Variants in LUZP2 observed in about 807,000 individuals in gnomAD.
The protein encoded by LUZP2 is leucine zipper protein 2.
Under a neutral mutation model 51.6 loss-of-function variants are expected in LUZP2, and 52 were observed. The observed-to-expected ratio is 1.01, with a 90% CI of 0.81 to 1.27. The LOEUF (loss-of-function observed/expected upper bound fraction) is 1.27, where lower values mean the gene tolerates loss of function less well. Ranked by LOEUF, LUZP2 falls within the 50% of genes most tolerant of loss-of-function variation. The pLI, the probability that LUZP2 is intolerant of heterozygous loss-of-function variation, is 0.00. For missense variants in LUZP2, 436 were observed against 395.4 expected (o/e 1.10, Z -0.87); for synonymous variants, 154 against 137.3 (o/e 1.12, Z -0.85).
chr11:24,503,494 C>T lies in LUZP2; in HGVS notation c.62+6189C>T, dbSNP rs141951890. The stretch of plus-strand genomic sequence containing the variant: ...GTTCTCTGAGGATTCTTTCGTAAAC[C>T]CTAGGAGACATAATTATACCATAGG... On this transcript the variant is annotated intron_variant, in intron 1 of 11. Transcript: ENST00000336930. Among the ~76,000 whole-genome samples, 282 of 152,212 alleles carry T rather than the reference C, an allele frequency of 1.9e-3. 1 individual carries two copies. Among genetic ancestry groups the T allele is most frequent in the African/African-American group, 6.2e-3 (259 of 41,536 alleles).
chr11:25,024,375 C>T (rs1053176874), intron 9 of LUZP2, among the ~76,000 whole-genome samples: 1 of 152,118 alleles, frequency 6.6e-6, no homozygotes, highest in Non-Finnish European at 1.5e-5. Flanking sequence ...TTGCAGATGA[C>T]ATGATTGTAT....
intron 1 of LUZP2, among the ~76,000 whole-genome samples, chr11:24,716,135 G>T (rs1027779289): frequency 6.6e-6 from 1 of 152,124 alleles, no homozygotes; most frequent in East Asian, 1.9e-4. Context: ...TGAAGCTATA[G>T]TTATGCTTGC....
Position 24,991,392 on chromosome 11 carries a change from G to GTA in LUZP2, c.765+8100_765+8101insAT, listed in dbSNP as rs770909829. 1.9e-3 allele frequency among the ~76,000 whole-genome samples: 201 copies of GTA among 104,532 alleles called. 1 individual carries two copies. The highest frequency in any genetic ancestry group is 5.9e-3 in the East Asian group (22 of 3,710). 68.6% of individuals were successfully genotyped at this position (104,532 alleles called of 152,430 possible). A position where few individuals can be genotyped will look rare whatever the true frequency, so the allele number is the denominator to read the frequency against. ...TGTATATATATGTGTGTGTGTGTGT[G>GTA]TGTGTATATATATATATATATATAT... On this transcript the variant is annotated intron_variant, in intron 9 of 11. Coordinates refer to ENST00000336930, the MANE Select transcript of LUZP2 (RefSeq NM_001009909.4).
intron 9 of LUZP2, among the ~76,000 whole-genome samples, chr11:24,992,565 A>G (rs1434406664): frequency 6.6e-6 from 1 of 152,176 alleles, no homozygotes; most frequent in East Asian, 1.9e-4. Context: ...ACAATGTGAT[A>G]TACAGAAACT....
chr11:24,838,106 G>GT (rs61610384), intron 5 of LUZP2, among the ~76,000 whole-genome samples: 142,936 of 151,458 alleles, frequency 0.94, 68,001 homozygotes, highest in East Asian at 1. Flanking sequence ...TTAGAAGAAA[G>GT]TTAAATAATT....
At chr11:24,892,382 C>A (rs1414744000) in intron 5 of LUZP2, 1 of 984,922 alleles carries the variant, frequency 1.0e-6, no homozygotes, top group Non-Finnish European at 1.2e-6. Context: ...GTTCTTACAA[C>A]TCTCAATTAT....
Position 24,581,426 on chromosome 11 carries a change from C to T in LUZP2, c.62+84121C>T, listed in dbSNP as rs1300649886. Among the ~76,000 whole-genome samples, 5 of 152,028 alleles carry T rather than the reference C, an allele frequency of 3.3e-5. No homozygotes were observed. In the East Asian group the frequency reaches 7.7e-4, roughly 24 times the overall value. On this transcript the variant is annotated intron_variant, in intron 1 of 11. Coordinates refer to ENST00000336930, the MANE Select transcript of LUZP2 (RefSeq NM_001009909.4). ...TGGCTTACGCCTGTAATCCCAGCAC[C>T]TTGGGAGGCTGAGGCAGGAGGATCA...
chr11:24,895,644 A>T (rs370052216), intron 5 of LUZP2, among the ~76,000 whole-genome samples: 3 of 152,186 alleles, frequency 2.0e-5, no homozygotes, highest in African/African-American at 7.2e-5. Context: ...TTTGTTTAGG[A>T]TAACAATATC....
chr11:25,025,972 A>ACC (rs1368244406), intron 9 of LUZP2, among the ~76,000 whole-genome samples: 2 of 152,120 alleles, frequency 1.3e-5, no homozygotes, highest in East Asian at 3.9e-4. Context: ...CATAGAAAGA[A>ACC]TGAGTTCATG....
At chr11:25,043,949 T>A (rs1250457939) in intron 9 of LUZP2, among the ~76,000 whole-genome samples, 2 of 85,524 alleles carry the variant, frequency 2.3e-5, no homozygotes, top group African/African-American at 8.5e-5. Flanking sequence ...TACATATATC[T>A]GATATATATA....
intron 1 of LUZP2, among the ~76,000 whole-genome samples, chr11:24,660,662 A>C (rs1021076673): frequency 5.3e-5 from 8 of 152,148 alleles, no homozygotes; most frequent in African/African-American, 1.9e-4. Flanking sequence ...GACTTTGTGC[A>C]AACTGTCAGA....
At chr11:25,045,286 T>C (rs904655674) in intron 9 of LUZP2, among the ~76,000 whole-genome samples, 20 of 151,930 alleles carry the variant, frequency 1.3e-4, no homozygotes, top group Non-Finnish European at 2.6e-4. Context: ...AGCATCAGTA[T>C]TGGTACAAAA....
At chr11:24,657,127 A>G (rs1855834316) in intron 1 of LUZP2, among the ~76,000 whole-genome samples, 1 of 152,158 alleles carries the variant, frequency 6.6e-6, no homozygotes, top group Admixed American at 6.5e-5. Context: ...GAAAAAAACA[A>G]GAATAAAAGC....
At chr11:24,622,283 C>A (rs185908647) in intron 1 of LUZP2, among the ~76,000 whole-genome samples, 1 of 151,456 alleles carries the variant, frequency 6.6e-6, no homozygotes, top group Non-Finnish European at 1.5e-5. Context: ...CCCCTCTCCC[C>A]CCTCCCCACA....
chr11:24,678,871 C>G (rs575916410), intron 1 of LUZP2, among the ~76,000 whole-genome samples: 1 of 152,266 alleles, frequency 6.6e-6, no homozygotes, highest in South Asian at 2.1e-4. Context: ...TTTATTCTTC[C>G]TTGAAAGGTT....
At position 24,837,249 on chromosome 11, in the gene LUZP2, A is replaced by G. The variant is rs185413284; in HGVS notation, c.397-68742A>G. On this transcript the variant is annotated intron_variant, in intron 5 of 11. Coordinates refer to ENST00000336930, the MANE Select transcript of LUZP2 (RefSeq NM_001009909.4). ...AAATTCCAATTCATTGACTTGTTAA[A>G]CTATGTTAAATAAGAGATTGATATC... is the stretch of plus-strand genomic sequence containing the variant. 2.2e-3 allele frequency among the ~76,000 whole-genome samples: 331 copies of G among 151,902 alleles called. 1 individual carries two copies. The highest frequency in any genetic ancestry group is 5.0e-3 in the South Asian group (24 of 4,824).
intron 7 of LUZP2, among the ~76,000 whole-genome samples, chr11:24,916,796 C>T (rs191682857): frequency 5.9e-5 from 9 of 152,230 alleles, no homozygotes; most frequent in Admixed American, 2.0e-4. Context: ...CATAAACATA[C>T]GTGTGCATGT....
chr11:24,862,492 A>T (rs1851769897), intron 5 of LUZP2, among the ~76,000 whole-genome samples: 1 of 152,208 alleles, frequency 6.6e-6, no homozygotes, highest in African/African-American at 2.4e-5. Context: ...TGCATCAACT[A>T]GTGTGCAGCA....
At chr11:25,058,740 C>T (rs1348542346) in intron 10 of LUZP2, among the ~76,000 whole-genome samples, 1 of 152,208 alleles carries the variant, frequency 6.6e-6, no homozygotes, top group Non-Finnish European at 1.5e-5. Flanking sequence ...AACTTTCCTC[C>T]CTTCCCCTCG....
Sources: allele counts gnomAD v4.1 joint callset (sites outside exome capture counted in the v4.1 genomes callset), GRCh38; gene constraint gnomAD v4.1.1; transcripts MANE v1.5; gene names NCBI Gene and HGNC (gene_info 2026-07-23, HGNC 2026-07-21).